CEP104: variants seen among roughly 807,000 people sequenced by gnomAD.
CEP104 encodes centrosomal protein 104.
A neutral mutation model predicts 113.3 loss-of-function variants in CEP104; 84 were observed. That is an observed-to-expected ratio of 0.74 (90% CI 0.62 to 0.89). The LOEUF is 0.89. Ranked by LOEUF, CEP104 falls within the 40% of genes least tolerant of loss-of-function variation. The pLI is 0.00. For missense variants in CEP104, 1,053 were observed against 1,156.6 expected (o/e 0.91, Z 1.30); for synonymous variants, 378 against 421.7 (o/e 0.90, Z 1.27).
chr1:3,844,960 G>A lies in CEP104; in HGVS notation c.513C>T (p.Asp171=). Residue 171 remains aspartate, a synonymous_variant, in exon 6 of 22, where the codon GAC becomes GAT. Transcript: ENST00000378230. The part of the protein sequence containing the change: ...SNTASREKLI[D]HYLGHNSEDP... ...CCTCGCTGTTGTGCCCAAGGTAGTG[G>A]TCAATCAACTTCTCTCGAGAGGCCT... The A allele has an allele frequency of 6.2e-7, 1 of 1,614,138 alleles. No individual in the cohort carries two copies. Among genetic ancestry groups the A allele is most frequent in the Non-Finnish European group, 8.5e-7 (1 of 1,180,006 alleles).
chr1:3,829,657 T>C (rs1266952049), intron 14 of CEP104, 134 bp downstream of exon 14: 1 of 968,152 alleles, frequency 1.0e-6, no homozygotes, highest in East Asian at 2.4e-5. Flanking sequence ...ACCTGTGTTC[T>C]TTCTTAGCCA....
At chr1:3,820,192 C>T (rs1402790675) in intron 20 of CEP104, among the ~76,000 whole-genome samples, 1 of 152,008 alleles carries the variant, frequency 6.6e-6, no homozygotes. Flanking sequence ...GATGTCAATT[C>T]AAATCAGATG....
chr1:3,842,202 T>C (rs1488399162), intron 6 of CEP104, among the ~76,000 whole-genome samples: 3 of 152,186 alleles, frequency 2.0e-5, no homozygotes, highest in Non-Finnish European at 4.4e-5. Context: ...ACCTCAGCCT[T>C]CTGAGTAGCT....
At chr1:3,848,099 T>G (rs1644542211) in intron 3 of CEP104, among the ~76,000 whole-genome samples, 1 of 151,978 alleles carries the variant, frequency 6.6e-6, no homozygotes, top group African/African-American at 2.4e-5. Flanking sequence ...AAAAGTAGAG[T>G]TGAATAGCAG....
chr1:3,822,987 T>TC, intron 20 of CEP104, 187 bp downstream of exon 20: 1 of 628,684 alleles, frequency 1.6e-6, no homozygotes, highest in Non-Finnish European at 2.8e-6. Flanking sequence ...CGGAAGGAAA[T>TC]CATGTGAACA....
chr1:3,835,623 G>A (rs1310379553), intron 10 of CEP104, among the ~76,000 whole-genome samples: 4 of 152,120 alleles, frequency 2.6e-5, no homozygotes. Flanking sequence ...CACCCGCCTT[G>A]GCCTCCCAAA....
chr1:3,821,283 G>A (rs1372315293), intron 20 of CEP104, among the ~76,000 whole-genome samples: 4 of 152,184 alleles, frequency 2.6e-5, no homozygotes, highest in Non-Finnish European at 5.9e-5. Context: ...GATAATTCAC[G>A]CATCACTAAG....
chr1:3,836,466 CCG>C (rs1644313309), intron 10 of CEP104, 27 bp downstream of exon 10: 1 of 1,387,234 alleles, frequency 7.2e-7, no homozygotes, highest in African/African-American at 1.7e-5. Context: ...CTCTGCCACC[CCG>C]TTTTTTTTTT....
chr1:3,816,675 G>A lies in CEP104; in HGVS notation c.2572-305C>T, dbSNP rs541328733. 2.2e-4 allele frequency among the ~76,000 whole-genome samples: 34 copies of A among 152,380 alleles called. No individual in the cohort carries two copies. The South Asian group carries it at 4.6e-3, about 20-fold the overall frequency. ...ACTCTGAGCACAGCAGAGCGTGCAC[G>A]CAAATGCAAGGGTGAGAAGCAGAGC... On this transcript the variant is annotated intron_variant, in intron 20 of 21. Transcript: ENST00000378230.
Position 3,823,318 on chromosome 1 carries a change from G to A in CEP104, c.2504-77C>T. On this transcript the variant is annotated intron_variant, in intron 19 of 21. Coordinates refer to ENST00000378230, the MANE Select transcript of CEP104 (RefSeq NM_014704.4). This position sits in a 1 kb window ranked among gnomAD's most constrained non-coding sequence, Gnocchi z 4.1. The stretch of plus-strand genomic sequence containing the variant: ...ACATGCTGCTGGCCTGCCCGCAGGT[G>A]CCCTTTAATTCACCAAGCCCTTGCA... The A allele has an allele frequency of 6.2e-7, 1 of 1,604,108 alleles. No homozygotes were observed. Among genetic ancestry groups the A allele is most frequent in the South Asian group, 1.1e-5 (1 of 90,882 alleles).
chr1:3,855,473 T>C (rs1644701054), intron 1 of CEP104, among the ~76,000 whole-genome samples: 1 of 151,962 alleles, frequency 6.6e-6, no homozygotes, highest in African/African-American at 2.4e-5. Flanking sequence ...CTGGCTAGTC[T>C]CTGAACCTAA....
intron 1 of CEP104, chr1:3,855,946 C>T (rs531450481): frequency 8.1e-6 from 8 of 985,380 alleles, no homozygotes; most frequent in Non-Finnish European, 9.6e-6. Flanking sequence ...GTACATCTCT[C>T]CCCAGGCAGC....
rs753139723 is a variant in CEP104 at position 3,831,067 on chromosome 1, G to A, written c.1815C>T (p.Phe605=). The change falls in exon 13 of 22, where the codon TTC becomes TTT. Residue 605 remains phenylalanine, a synonymous_variant. Coordinates refer to ENST00000378230, the MANE Select transcript of CEP104 (RefSeq NM_014704.4). ...TTACCTTCATCACGTTGTCAATGGT[G>A]AAGCCCGAGCTGCCAGTGCCCAGGT... ...LKDLGTGSSG[F]TIDNVMKFSV... 4 of 1,613,768 alleles carry A rather than the reference G, an allele frequency of 2.5e-6. No homozygotes were observed. The South Asian group carries it at 3.3e-5, about 13-fold the overall frequency.
At chr1:3,826,522 G>A (rs1644095083) in intron 16 of CEP104, 86 bp from the exon 17 acceptor site, 7 of 1,348,546 alleles carry the variant, frequency 5.2e-6, no homozygotes, top group Admixed American at 1.9e-5. Context: ...GCTCTAAAAC[G>A]ATTATACAAG....
intron 15 of CEP104, among the ~76,000 whole-genome samples, chr1:3,827,935 C>T (rs543167676): frequency 9.2e-5 from 14 of 152,216 alleles, no homozygotes; most frequent in East Asian, 5.8e-4. Flanking sequence ...CACGGAGAGG[C>T]GCTCCATAAA....
intron 15 of CEP104, among the ~76,000 whole-genome samples, chr1:3,828,826 C>A (rs1204001374): frequency 6.9e-6 from 1 of 145,658 alleles, no homozygotes; most frequent in Non-Finnish European, 1.5e-5. Flanking sequence ...TATTTGTTCC[C>A]AGTACATATG....
At chr1:3,850,500 G>C (rs1466100589) in intron 2 of CEP104, among the ~76,000 whole-genome samples, 1 of 152,164 alleles carries the variant, frequency 6.6e-6, no homozygotes, top group Non-Finnish European at 1.5e-5. Context: ...GAGGTCACAT[G>C]AACGGCACTG....
In CEP104 at chr1:3,819,548, C is replaced by A. The variant is rs1643932065; in HGVS notation, c.2572-3178G>T. Among the ~76,000 whole-genome samples, 1 of 152,084 alleles carries A rather than the reference C, an allele frequency of 6.6e-6. No homozygotes were observed. Among genetic ancestry groups the A allele is most frequent in the Admixed American group, 6.5e-5 (1 of 15,268 alleles). On this transcript the variant is annotated intron_variant, in intron 20 of 21. Transcript: ENST00000378230. The surrounding 1 kb of genome is among the most constrained non-coding windows in gnomAD (Gnocchi z 4.6). ...ATGAAACCTGTAAAGAAATCCCAGC[C>A]AAACACAAATACTAGAATTGGAAAG... is the stretch of plus-strand genomic sequence containing the variant.
intron 14 of CEP104, chr1:3,829,579 C>T (rs1337938163): frequency 3.0e-5 from 20 of 660,428 alleles, no homozygotes; most frequent in South Asian, 2.9e-4. Flanking sequence ...ATCGTTATTC[C>T]GTTTGCAGCC....
Sources: allele counts gnomAD v4.1 joint callset (sites outside exome capture counted in the v4.1 genomes callset), GRCh38; gene constraint gnomAD v4.1.1; non-coding constraint Gnocchi (gnomAD v3.1); transcripts MANE v1.5; gene names NCBI Gene and HGNC (gene_info 2026-07-23, HGNC 2026-07-21).